PDE1A: variants seen among roughly 807,000 people sequenced by gnomAD.
The protein encoded by PDE1A is dual specificity calcium/calmodulin-dependent 3',5'-cyclic nucleotide phosphodiesterase 1A.
PDE1A carries 35 observed loss-of-function variants against 61.7 expected under a neutral mutation model. The observed-to-expected ratio is 0.57, with a 90% CI of 0.43 to 0.75. PDE1A has a LOEUF of 0.75. Ranked by LOEUF, PDE1A falls within the 30% of genes least tolerant of loss-of-function variation. The pLI is 0.00. For missense variants in PDE1A, 597 were observed against 630.6 expected, an observed-to-expected ratio of 0.95 and a Z score of 0.57; for synonymous variants, 232 against 213.2, an observed-to-expected ratio of 1.09 and a Z score of -0.77.
chr2:182,566,175 C>T, the PDE1A span, among the ~76,000 whole-genome samples: 1 of 151,968 alleles, frequency 6.6e-6, no homozygotes, highest in Non-Finnish European at 1.5e-5. Flanking sequence ...TACAAGCCTT[C>T]CTTCATGTGT....
downstream of PDE1A, among the ~76,000 whole-genome samples, chr2:182,144,039 T>C (rs942274557): frequency 6.6e-6 from 1 of 152,186 alleles, no homozygotes. Flanking sequence ...ACAGGGACTG[T>C]AGTCAACTAA....
intron 2 of PDE1A, among the ~76,000 whole-genome samples, chr2:182,438,694 G>T (rs1441269801): frequency 6.6e-6 from 1 of 151,864 alleles, no homozygotes; most frequent in South Asian, 2.1e-4. Flanking sequence ...ATCCTGGCAC[G>T]ACTTAAAGGT....
chr2:182,385,616 A>AG, intron 1 of PDE1A, among the ~76,000 whole-genome samples: 1 of 135,356 alleles, frequency 7.4e-6, no homozygotes, highest in African/African-American at 2.8e-5. Context: ...TAGATGAAAG[A>AG]AACAGAAAGA....
At chr2:182,456,056 A>G (rs1161166052) in intron 2 of PDE1A, among the ~76,000 whole-genome samples, 1 of 152,114 alleles carries the variant, frequency 6.6e-6, no homozygotes, top group Non-Finnish European at 1.5e-5. Flanking sequence ...ATTCAGATCT[A>G]ATTCATATCT....
intron 8 of PDE1A, among the ~76,000 whole-genome samples, chr2:182,203,249 G>A (rs1014811910): frequency 1.3e-5 from 2 of 152,114 alleles, no homozygotes; most frequent in Non-Finnish European, 2.9e-5. Flanking sequence ...GAACTCAGGA[G>A]ACAGAGCTTG....
chr2:182,156,983 TTTTA>T (rs1691118775), intron 13 of PDE1A, among the ~76,000 whole-genome samples: 1 of 150,292 alleles, frequency 6.7e-6, no homozygotes, highest in Non-Finnish European at 1.5e-5. Context: ...TTTTTTATTT[TTTTA>T]TTATTATTAT....
At chr2:182,563,734 A>G in the PDE1A span, among the ~76,000 whole-genome samples, 3 of 152,108 alleles carry the variant, frequency 2.0e-5, no homozygotes, top group Admixed American at 1.3e-4. Flanking sequence ...ATGAAAGTGG[A>G]TGCTCCTGTA....
At chr2:182,621,574 C>T in the PDE1A span, among the ~76,000 whole-genome samples, 2 of 111,802 alleles carry the variant, frequency 1.8e-5, no homozygotes, top group African/African-American at 3.0e-5. Flanking sequence ...TTTACAATAA[C>T]TTAAAAAAAA....
rs1574569609 is a variant in PDE1A at position 182,176,260 on chromosome 2, G to C, written c.1517-7970C>G. On this transcript the variant is annotated intron_variant, in intron 13 of 13. Transcript: ENST00000351439. ...GCTTGATGGGGATGGCATTGAATCT[G>C]TAAATTACCTTGGGCAGTATGGCCA... Among the ~76,000 whole-genome samples the C allele has an allele frequency of 2.0e-5, 3 of 148,572 alleles. 1 individual carries two copies. The highest frequency in any genetic ancestry group is 2.1e-4 in the South Asian group (1 of 4,792).
intron 2 of PDE1A, among the ~76,000 whole-genome samples, chr2:182,247,409 T>G (rs1691054933): frequency 6.6e-6 from 1 of 152,212 alleles, no homozygotes; most frequent in Non-Finnish European, 1.5e-5. Flanking sequence ...TTAAGATGGT[T>G]ATTCCAGTTT....
intron 1 of PDE1A, among the ~76,000 whole-genome samples, chr2:182,322,761 T>C (rs1431209690): frequency 2.0e-5 from 3 of 152,186 alleles, no homozygotes; most frequent in Admixed American, 2.0e-4. Context: ...AGTAAAAGAA[T>C]TTGTAGAACA....
chr2:182,324,832 C>CA (rs1427587604), intron 1 of PDE1A, among the ~76,000 whole-genome samples: 2 of 152,014 alleles, frequency 1.3e-5, no homozygotes, highest in African/African-American at 2.4e-5. Flanking sequence ...TAGTCACTCA[C>CA]AAAAAAATCA....
the PDE1A span, among the ~76,000 whole-genome samples, chr2:182,592,112 G>A: frequency 2.0e-5 from 3 of 152,076 alleles, no homozygotes; most frequent in South Asian, 2.1e-4. Context: ...CTCTAATTTC[G>A]ATGCCAGCTT....
chr2:182,713,504 G>A, the PDE1A span, among the ~76,000 whole-genome samples: 3 of 152,184 alleles, frequency 2.0e-5, no homozygotes, highest in Non-Finnish European at 2.9e-5. Context: ...GGTGGCATGT[G>A]CCTGTAATCC....
chr2:182,557,115 C>CAA, the PDE1A span, among the ~76,000 whole-genome samples: 1 of 151,410 alleles, frequency 6.6e-6, no homozygotes, highest in Non-Finnish European at 1.5e-5. Context: ...GCCAACATGG[C>CAA]AAAACCCTGT....
intron 1 of PDE1A, among the ~76,000 whole-genome samples, chr2:182,306,154 AT>A (rs1695570115): frequency 6.6e-6 from 1 of 151,992 alleles, no homozygotes; most frequent in Non-Finnish European, 1.5e-5. Flanking sequence ...TGCCTGGCTT[AT>A]TTTACTTAGC....
the PDE1A span, among the ~76,000 whole-genome samples, chr2:182,684,327 A>G: frequency 3.7e-4 from 57 of 152,236 alleles, no homozygotes; most frequent in Non-Finnish European, 1.5e-4. Flanking sequence ...TATACATTTT[A>G]TTGTATTTTC....
rs866619921 is a variant in PDE1A at position 182,242,197 on chromosome 2, T to C, written c.168-1905A>G. The C allele has an allele frequency of 3.3e-5, 16 of 485,330 alleles. No individual in the cohort carries two copies. The Middle Eastern group carries it at 2.2e-3, about 67-fold the overall frequency. 30.1% of individuals were successfully genotyped at this position (485,330 alleles called of 1,614,324 possible). A position where few individuals can be genotyped will look rare whatever the true frequency, so the allele number is the denominator to read the frequency against. On this transcript the variant is annotated intron_variant, in intron 2 of 13. Transcript: ENST00000351439. ...ACAGTAAATTTCATGTTGATGGCTT[T>C]AAGGCTATATGTCCTATACTCATAA...
the PDE1A span, among the ~76,000 whole-genome samples, chr2:182,595,093 A>C: frequency 4.6e-5 from 7 of 152,210 alleles, no homozygotes; most frequent in African/African-American, 1.7e-4. Context: ...TGGACGATAA[A>C]GACAATTGAA....
Sources: allele counts gnomAD v4.1 joint callset (sites outside exome capture counted in the v4.1 genomes callset), GRCh38; gene constraint gnomAD v4.1.1; transcripts MANE v1.5; gene names NCBI Gene and HGNC (gene_info 2026-07-23, HGNC 2026-07-21).